Variants in CEMIP observed in about 807,000 individuals in gnomAD.
CEMIP encodes cell migration-inducing and hyaluronan-binding protein.
A neutral mutation model predicts 156.9 loss-of-function variants in CEMIP; 105 were observed. The ratio of observed to expected loss-of-function variants is 0.67; its 90% CI spans 0.57 to 0.79. CEMIP has a LOEUF of 0.79. Ranked by LOEUF, CEMIP falls within the 30% of genes least tolerant of loss-of-function variation. The pLI, the probability that CEMIP is intolerant of heterozygous loss-of-function variation, is 0.00. For synonymous variants in CEMIP, 676 were observed against 668.4 expected, an observed-to-expected ratio of 1.01 and a Z score of -0.17; for missense variants, 1,457 against 1,769.4, an observed-to-expected ratio of 0.82 and a Z score of 3.17.
chr15:80,857,743 G>A (rs771945630), intron 1 of CEMIP, among the ~76,000 whole-genome samples: 2 of 152,266 alleles, frequency 1.3e-5, no homozygotes, highest in South Asian at 2.1e-4. Flanking sequence ...AATCCCTCCC[G>A]TCATGAAGTT....
At chr15:80,887,014 G>T (rs1596159601) in intron 7 of CEMIP, among the ~76,000 whole-genome samples, 1 of 152,198 alleles carries the variant, frequency 6.6e-6, no homozygotes, top group Admixed American at 6.5e-5. Context: ...CCATTTTGGG[G>T]GGTAGCGTCT....
intron 6 of CEMIP, among the ~76,000 whole-genome samples, chr15:80,882,357 C>G (rs576294954): frequency 1.3e-5 from 2 of 152,356 alleles, no homozygotes; most frequent in East Asian, 3.9e-4. Flanking sequence ...CTGAGGCTCA[C>G]AGGGCTAAAT....
At chr15:80,830,092 G>A (rs1897127760) in intron 1 of CEMIP, among the ~76,000 whole-genome samples, 1 of 150,376 alleles carries the variant, frequency 6.6e-6, no homozygotes, top group African/African-American at 2.5e-5. Context: ...GGGGATCTGG[G>A]ACCGCTCTAC....
At chr15:80,836,378 A>C (rs1897270383) in intron 1 of CEMIP, among the ~76,000 whole-genome samples, 1 of 152,114 alleles carries the variant, frequency 6.6e-6, no homozygotes, top group Non-Finnish European at 1.5e-5. Flanking sequence ...AGTGATTTCA[A>C]ACAAATTGTT....
chr15:80,836,395 G>A (rs1163904122), intron 1 of CEMIP, among the ~76,000 whole-genome samples: 1 of 152,226 alleles, frequency 6.6e-6, no homozygotes, highest in African/African-American at 2.4e-5. Flanking sequence ...TGTTTCGCCA[G>A]TGTCTGGCAT....
intron 1 of CEMIP, among the ~76,000 whole-genome samples, chr15:80,858,045 A>G (rs968675427): frequency 6.6e-6 from 1 of 152,144 alleles, no homozygotes; most frequent in Non-Finnish European, 1.5e-5. Flanking sequence ...CTGGCATGAG[A>G]TGAGGCTGGA....
chr15:80,783,500 T>G (rs1056310190), intron 1 of CEMIP, among the ~76,000 whole-genome samples: 4 of 152,192 alleles, frequency 2.6e-5, no homozygotes, highest in Admixed American at 6.5e-5. Flanking sequence ...TCTTACTCTC[T>G]TGTATCTGGT....
chr15:80,897,934 G>A (rs910041836), intron 12 of CEMIP, among the ~76,000 whole-genome samples: 1 of 152,236 alleles, frequency 6.6e-6, no homozygotes, highest in African/African-American at 2.4e-5. Context: ...AGAAGACCAA[G>A]AGGGACAACT....
At chr15:80,873,808 A>G (rs974903417) in intron 2 of CEMIP, 56 bp from the exon 3 acceptor site, 4 of 1,288,892 alleles carry the variant, frequency 3.1e-6, no homozygotes, top group East Asian at 5.0e-5. Flanking sequence ...TCGGCCCTGT[A>G]TACTGATTCC....
chr15:80,874,479 A>C (rs1028174010), intron 3 of CEMIP, among the ~76,000 whole-genome samples: 9 of 151,990 alleles, frequency 5.9e-5, no homozygotes, highest in Non-Finnish European at 4.4e-5. Context: ...TAAAAAAAAA[A>C]ACAAAAACAA....
intron 1 of CEMIP, among the ~76,000 whole-genome samples, chr15:80,835,820 C>T (rs958450435): frequency 1.3e-5 from 2 of 152,204 alleles, no homozygotes. Context: ...CTCTGCCTCA[C>T]TGTTGCCACA....
Position 80,947,042 on chromosome 15 carries a change from C to T in CEMIP, c.3935C>T (p.Ala1312Val), listed in dbSNP as rs770505337. Residue 1312 changes from alanine to valine, a missense_variant, in exon 29 of 30, where the codon GCA becomes GTA. Transcript: ENST00000394685. ...PWTRVLEKLG[A>V]DRGLKLKEQM... Reference sequence around the variant, plus strand: ...ACCAGAGTGCTGGAAAAGCTTGGGGCAGACAGGGGTCTCAAGTTGAAAGGT... The same window carrying T: ...ACCAGAGTGCTGGAAAAGCTTGGGGTAGACAGGGGTCTCAAGTTGAAAGGT... 8.7e-6 allele frequency: 14 copies of T among 1,613,410 alleles called. No homozygotes were observed. The highest frequency in any genetic ancestry group is 1.0e-5 in the Non-Finnish European group (12 of 1,179,438).
Position 80,887,751 on chromosome 15 carries a change from T to C in CEMIP, c.855T>C (p.His285=), listed in dbSNP as rs1209172326. 1.2e-6 allele frequency: 2 copies of C among 1,613,014 alleles called. No individual in the cohort carries two copies. The highest frequency in any genetic ancestry group is 1.1e-5 in the South Asian group (1 of 91,074). ...KGNPSSSVED[H]IEYHGHRGSA... is the part of the protein sequence containing the mutation. ...ATCCATCATCTTCAGTGGAAGACCA[T>C]ATTGAATATCATGGTAATACATAGC... Residue 285 remains histidine, a synonymous_variant, in exon 8 of 30, where the codon CAT becomes CAC. Coordinates refer to ENST00000394685, the MANE Select transcript of CEMIP (RefSeq NM_001293298.2).
chr15:80,871,412 A>G (rs1489073549), intron 1 of CEMIP, among the ~76,000 whole-genome samples: 1 of 152,206 alleles, frequency 6.6e-6, no homozygotes, highest in Non-Finnish European at 1.5e-5. Flanking sequence ...TTTATCCAGA[A>G]AGTGACTCTT....
chr15:80,817,835 T>C (rs557615858), intron 1 of CEMIP, among the ~76,000 whole-genome samples: 6 of 152,164 alleles, frequency 3.9e-5, no homozygotes, highest in African/African-American at 1.4e-4. Context: ...TTCAGTGAGA[T>C]CTATGACTTG....
intron 19 of CEMIP, among the ~76,000 whole-genome samples, chr15:80,926,642 G>A (rs928451131): frequency 3.3e-5 from 5 of 152,048 alleles, no homozygotes; most frequent in African/African-American, 1.2e-4. Flanking sequence ...ACTTAGCATT[G>A]GAGCCCCAGG....
chr15:80,921,202 A>C (rs1367694345), intron 16 of CEMIP, 101 bp downstream of exon 16: 4 of 1,080,804 alleles, frequency 3.7e-6, no homozygotes, highest in Non-Finnish European at 5.5e-6. Context: ...CTGAGCCCCA[A>C]GCCCAGATAT....
intron 1 of CEMIP, among the ~76,000 whole-genome samples, chr15:80,825,785 G>A (rs999568646): frequency 3.9e-5 from 6 of 152,108 alleles, no homozygotes; most frequent in Non-Finnish European, 2.9e-5. Context: ...ATGACCCCTC[G>A]GGCTTTAAGA....
chr15:80,856,391 G>A (rs1346011146), intron 1 of CEMIP, among the ~76,000 whole-genome samples: 1 of 152,248 alleles, frequency 6.6e-6, no homozygotes, highest in Non-Finnish European at 1.5e-5. Context: ...TCCAAAGACT[G>A]AGATTGATTT....
Sources: gnomAD v4.1 joint callset for allele counts (sites outside exome capture counted in the v4.1 genomes callset) on GRCh38, gnomAD v4.1.1 for gene constraint, MANE v1.5 for transcripts, NCBI Gene and HGNC (gene_info 2026-07-23, HGNC 2026-07-21) for gene names.